EEIG1: variants seen among roughly 807,000 people sequenced by gnomAD.
EEIG1 encodes estrogen-induced osteoclastogenesis regulator 1.
the EEIG1 span, among the ~76,000 whole-genome samples, chr9:127,967,464 G>T: frequency 1.3e-5 from 2 of 152,234 alleles, no homozygotes; most frequent in African/African-American, 4.8e-5. Context: ...TAAAGCCAGG[G>T]CTGTCTGACC....
At chr9:127,959,065 T>C in the EEIG1 span, among the ~76,000 whole-genome samples, 6 of 152,214 alleles carry the variant, frequency 3.9e-5, no homozygotes, top group African/African-American at 7.2e-5. Flanking sequence ...GAATGTAAAA[T>C]GGTGCAGCCC....
At chr9:127,944,297 G>A in the EEIG1 span, 1 of 464,278 alleles carries the variant, frequency 2.2e-6, no homozygotes, top group Non-Finnish European at 3.9e-6. Context: ...GGAAGTAGAA[G>A]GGAGGGTTCT....
At chr9:127,979,606 G>A in the EEIG1 span, among the ~76,000 whole-genome samples, 1 of 152,238 alleles carries the variant, frequency 6.6e-6, no homozygotes. Flanking sequence ...GGAACCCGTG[G>A]CTGGCCTGGA....
At chr9:127,955,563 T>A in the EEIG1 span, among the ~76,000 whole-genome samples, 11 of 152,220 alleles carry the variant, frequency 7.2e-5, no homozygotes, top group Non-Finnish European at 1.2e-4. Context: ...GATGAGCCAC[T>A]GCAGACTGTA....
the EEIG1 span, among the ~76,000 whole-genome samples, chr9:127,970,446 T>C: frequency 6.6e-6 from 1 of 151,944 alleles, no homozygotes; most frequent in East Asian, 1.9e-4. Context: ...GTCTCCGGCT[T>C]TCTTTGCTCA....
At chr9:127,967,405 CAGGGA>C in the EEIG1 span, among the ~76,000 whole-genome samples, 7 of 152,200 alleles carry the variant, frequency 4.6e-5, no homozygotes, top group Non-Finnish European at 7.3e-5. Context: ...GGCCCCAGAG[CAGGGA>C]AGTCACCTGC....
chr9:127,947,634 A>T, the EEIG1 span, among the ~76,000 whole-genome samples: 1 of 152,188 alleles, frequency 6.6e-6, no homozygotes, highest in African/African-American at 2.4e-5. Context: ...AAGAGCTCCC[A>T]GCACGTCCCT....
the EEIG1 span, chr9:127,953,867 T>C: frequency 6.2e-7 from 1 of 1,613,942 alleles, no homozygotes. Flanking sequence ...TTAGCACTCA[T>C]CTTACACACG....
At chr9:127,951,875 C>A in the EEIG1 span, among the ~76,000 whole-genome samples, 2 of 151,816 alleles carry the variant, frequency 1.3e-5, no homozygotes, top group African/African-American at 4.8e-5. Context: ...AGAAGCTTGC[C>A]CAGGGCCAAA....
At chr9:127,944,837 C>A in the EEIG1 span, 5 of 1,612,328 alleles carry the variant, frequency 3.1e-6, no homozygotes, top group Non-Finnish European at 4.2e-6. Flanking sequence ...ACGATGGCAT[C>A]CGCATCGATC....
chr9:127,977,624 C>T, the EEIG1 span, among the ~76,000 whole-genome samples: 1 of 152,222 alleles, frequency 6.6e-6, no homozygotes, highest in Non-Finnish European at 1.5e-5. Flanking sequence ...GAAGCGATAA[C>T]TGCTGCGGCA....
At chr9:127,980,137 T>C in the EEIG1 span, 2 of 1,612,078 alleles carry the variant, frequency 1.2e-6, no homozygotes, top group Non-Finnish European at 1.7e-6. Flanking sequence ...AAGAAAGCCA[T>C]GAGCGAGTTC....
chr9:127,946,528 G>A, the EEIG1 span, among the ~76,000 whole-genome samples: 3 of 152,228 alleles, frequency 2.0e-5, no homozygotes, highest in Admixed American at 6.5e-5. Context: ...CTCTGCATAT[G>A]GGGGGAGGCC....
chr9:127,941,711 T>C, the EEIG1 span: 6 of 151,856 alleles, frequency 4.0e-5, no homozygotes, highest in African/African-American at 1.5e-4. Context: ...CCTGCACCCC[T>C]CCCAGAGAGA....
At chr9:127,952,026 GGCCTGGCAGTGCCTGCCATGTGCTGGGT>G in the EEIG1 span, among the ~76,000 whole-genome samples, 1 of 152,208 alleles carries the variant, frequency 6.6e-6, no homozygotes, top group African/African-American at 2.4e-5. Context: ...GAAGGGAAGG[GGCCTGGCAGTGCCTGCCATGTGCTGGGT>G]GCCTGGTAAA....
At chr9:127,980,167 A>T in the EEIG1 span, 1 of 1,600,738 alleles carries the variant, frequency 6.2e-7, no homozygotes, top group Non-Finnish European at 8.5e-7. Context: ...GAAGCCCCGA[A>T]GGCGAAAAAA....
chr9:127,964,909 C>T, the EEIG1 span, among the ~76,000 whole-genome samples: 6 of 152,134 alleles, frequency 3.9e-5, 1 homozygote, highest in Admixed American at 3.9e-4. Flanking sequence ...CGGGACCAGC[C>T]TGGACAACAC....
the EEIG1 span, chr9:127,948,421 C>T: frequency 8.7e-6 from 14 of 1,613,868 alleles, no homozygotes; most frequent in African/African-American, 9.3e-5. Flanking sequence ...TGACCTGTGG[C>T]GAGGGGAGCA....
the EEIG1 span, among the ~76,000 whole-genome samples, chr9:127,976,924 C>A: frequency 2.6e-5 from 4 of 152,116 alleles, no homozygotes; most frequent in Non-Finnish European, 4.4e-5. This position sits in a 1 kb window ranked among gnomAD's most constrained non-coding sequence, Gnocchi z 4.1. Flanking sequence ...CCTACTCCAA[C>A]CTGGAAACAA....
Sources: gnomAD v4.1 joint callset for allele counts (sites outside exome capture counted in the v4.1 genomes callset) on GRCh38, gnomAD v4.1.1 for gene constraint, Gnocchi (gnomAD v3.1) non-coding constraint, MANE v1.5 for transcripts, NCBI Gene and HGNC (gene_info 2026-07-23, HGNC 2026-07-21) for gene names.